The following LYRM4 variants were observed in gnomAD, a reference collection of about 807,000 sequenced individuals.
The protein encoded by LYRM4 is LYR motif-containing protein 4.
Under a neutral mutation model 11.7 loss-of-function variants are expected in LYRM4, and 9 were observed. The observed-to-expected ratio is 0.77, with a 90% CI of 0.46 to 1.34. The LOEUF (loss-of-function observed/expected upper bound fraction) is 1.34, where lower values mean the gene tolerates loss of function less well. Among genes scored for constraint, LYRM4 ranks in the 40% most tolerant of loss-of-function variants. The probability of loss-of-function intolerance (pLI) is 0.00; values close to 1 mark genes in which losing one functional copy is unlikely to be tolerated. For missense variants in LYRM4, 133 were observed against 112.5 expected, an observed-to-expected ratio of 1.18 and a Z score of -0.82; for synonymous variants, 42 against 40.4, an observed-to-expected ratio of 1.04 and a Z score of -0.15.
Position 5,109,298 on chromosome 6 carries a change from TCAGCTCCCA to T in LYRM4, c.*116_*124del. 1.3e-6 allele frequency: 2 copies of T among 1,542,498 alleles called. No homozygotes were observed. The highest frequency in any genetic ancestry group is 1.8e-6 in the Non-Finnish European group (2 of 1,140,852). On this transcript the variant is annotated 3_prime_UTR_variant, in exon 3 of 3. Transcript: ENST00000330636. Reference sequence around the variant, plus strand: ...CAGAATGCAAATGTGACTTGGTTTATCAGCTCCCACAGGACAGGCAGCGCAAAAGGCTAT... The same window carrying T: ...CAGAATGCAAATGTGACTTGGTTTATCAGGACAGGCAGCGCAAAAGGCTAT...
At position 5,211,711 on chromosome 6, in the gene LYRM4, G is replaced by GCA. The variant is rs1249774369; in HGVS notation, c.207+4905_207+4906dup. Among the ~76,000 whole-genome samples, 5 of 152,280 alleles carry GCA rather than the reference G, an allele frequency of 3.3e-5. No homozygotes were observed. In the South Asian group the frequency reaches 1.0e-3, roughly 32 times the overall value. On this transcript the variant is annotated intron_variant, in intron 2 of 2. Transcript: ENST00000330636. The stretch of plus-strand genomic sequence containing the variant: ...CCCTGAAAAGCTGATGGGAAGATGG[G>GCA]CATGACTCCAAAACCCTACCATTAT...
chr6:5,153,202 C>T (rs978755778), intron 2 of LYRM4, among the ~76,000 whole-genome samples: 1 of 152,134 alleles, frequency 6.6e-6, no homozygotes, highest in Admixed American at 6.5e-5. Flanking sequence ...AGCAATTCTC[C>T]TGCCTCAGCC....
At chr6:5,240,985 C>T (rs777221532) in intron 1 of LYRM4, among the ~76,000 whole-genome samples, 21 of 152,202 alleles carry the variant, frequency 1.4e-4, no homozygotes, top group Non-Finnish European at 2.4e-4. Context: ...CGGGGAAAAA[C>T]GTTGGCTTTG....
intron 2 of LYRM4, among the ~76,000 whole-genome samples, chr6:5,177,670 T>C (rs561155030): frequency 5.3e-5 from 8 of 152,360 alleles, no homozygotes; most frequent in Non-Finnish European, 1.2e-4. Context: ...CACCAGGTTA[T>C]TTCCGTGACT....
intron 1 of LYRM4, among the ~76,000 whole-genome samples, chr6:5,250,985 C>T (rs1764403608): frequency 6.6e-6 from 1 of 152,206 alleles, no homozygotes. Context: ...AAGGTGTCTC[C>T]TCAGCCCCAG....
chr6:5,165,554 T>A (rs1340617653), intron 2 of LYRM4, among the ~76,000 whole-genome samples: 1 of 152,120 alleles, frequency 6.6e-6, no homozygotes, highest in African/African-American at 2.4e-5. Context: ...TTTAATTTTT[T>A]TTTTTTGAGA....
At chr6:5,236,988 G>A (rs1763586221) in intron 1 of LYRM4, among the ~76,000 whole-genome samples, 1 of 152,084 alleles carries the variant, frequency 6.6e-6, no homozygotes, top group African/African-American at 2.4e-5. Context: ...CAGAACAGAA[G>A]GGCTTTGAAT....
the LYRM4 span, among the ~76,000 whole-genome samples, chr6:5,040,352 G>GATAGATAGATAGATACATAC: frequency 1.3e-3 from 172 of 130,188 alleles, no homozygotes; most frequent in Middle Eastern, 3.7e-3. Context: ...TAGATAGATA[G>GATAGATAGATAGATACATAC]ATACATACAT....
chr6:5,055,227 A>AT, the LYRM4 span, among the ~76,000 whole-genome samples: 1 of 152,126 alleles, frequency 6.6e-6, no homozygotes, highest in African/African-American at 2.4e-5. The surrounding 1 kb of genome is among the most constrained non-coding windows in gnomAD (Gnocchi z 4.5). Context: ...TCATTTATGT[A>AT]TTTCCCTGGT....
chr6:5,109,259 C>T lies in LYRM4; in HGVS notation c.*164G>A, dbSNP rs930496013. ...CCAAGGAAAGACAGCAGTCCTTTTTCACTAAGCCTGCAACAGAATGCAAAT... is the reference window on the plus strand; with the variant it reads ...CCAAGGAAAGACAGCAGTCCTTTTTTACTAAGCCTGCAACAGAATGCAAAT... On this transcript the variant is annotated 3_prime_UTR_variant, in exon 3 of 3. Coordinates refer to ENST00000330636, the MANE Select transcript of LYRM4 (RefSeq NM_020408.6). 1 of 1,486,152 alleles carries T rather than the reference C, an allele frequency of 6.7e-7. No individual in the cohort carries two copies. The highest frequency in any genetic ancestry group is 8.9e-7 in the Non-Finnish European group (1 of 1,117,978). The allele number at this position is 1,486,152 out of a possible 1,614,324, so 92.1% of individuals were successfully genotyped here.
the LYRM4 span, chr6:5,066,130 C>A: frequency 1.8e-6 from 1 of 547,728 alleles, no homozygotes; most frequent in South Asian, 1.7e-5. Context: ...TAATTCCCTA[C>A]ACTTTGGGTT....
chr6:5,070,692 A>G, the LYRM4 span, among the ~76,000 whole-genome samples: 1 of 151,858 alleles, frequency 6.6e-6, no homozygotes, highest in Non-Finnish European at 1.5e-5. Context: ...CCTGGTCAAC[A>G]TAGCAAGACA....
chr6:5,107,089 T>C (rs998373151), downstream of LYRM4: 2 of 152,286 alleles, frequency 1.3e-5, no homozygotes, highest in African/African-American at 4.8e-5. Flanking sequence ...GGCCTGTTTG[T>C]GGCGTTTCCT....
chr6:5,127,248 C>T (rs1041081163), intron 2 of LYRM4, among the ~76,000 whole-genome samples: 2 of 152,170 alleles, frequency 1.3e-5, no homozygotes, highest in African/African-American at 4.8e-5. Flanking sequence ...CCGTGCCTGG[C>T]CTCTTTTTGT....
intron 1 of LYRM4, among the ~76,000 whole-genome samples, chr6:5,231,740 C>T (rs1055728097): frequency 2.0e-5 from 3 of 152,174 alleles, no homozygotes; most frequent in East Asian, 3.8e-4. Context: ...TACAATACCA[C>T]GCACTGTAAC....
chr6:5,166,653 C>G (rs970763561), intron 2 of LYRM4, among the ~76,000 whole-genome samples: 1 of 152,172 alleles, frequency 6.6e-6, no homozygotes, highest in African/African-American at 2.4e-5. Flanking sequence ...GAGACTTAAG[C>G]ACAGATGAAA....
intron 1 of LYRM4, among the ~76,000 whole-genome samples, chr6:5,239,688 A>C (rs567858393): frequency 6.6e-6 from 1 of 152,312 alleles, no homozygotes; most frequent in South Asian, 2.1e-4. Flanking sequence ...ACTGCAGCAG[A>C]GTGAGGAGTG....
chr6:5,251,459 C>G (rs1764424128), intron 1 of LYRM4, among the ~76,000 whole-genome samples: 1 of 152,104 alleles, frequency 6.6e-6, no homozygotes, highest in Admixed American at 6.6e-5. Flanking sequence ...GGGGAGGCCT[C>G]AGGAAGCTTA....
the LYRM4 span, chr6:5,043,420 CA>C: frequency 1.3e-5 from 2 of 152,104 alleles, no homozygotes; most frequent in African/African-American, 4.8e-5. Flanking sequence ...TTCCTCCTTT[CA>C]ACTCTCATAA....
Sources: gnomAD v4.1 joint callset for allele counts (sites outside exome capture counted in the v4.1 genomes callset) on GRCh38, gnomAD v4.1.1 for gene constraint, Gnocchi (gnomAD v3.1) non-coding constraint, MANE v1.5 for transcripts, NCBI Gene and HGNC (gene_info 2026-07-23, HGNC 2026-07-21) for gene names.